Variants in CCBE1 observed in about 807,000 individuals in gnomAD.
CCBE1 encodes the protein collagen and calcium binding EGF domains 1.
In CCBE1, 37 loss-of-function variants were observed where a neutral mutation model predicts 50.0. The observed-to-expected ratio is 0.74, with a 90% CI of 0.57 to 0.97. The LOEUF is 0.97. Ranked by LOEUF, CCBE1 falls within the 50% of genes least tolerant of loss-of-function variation. CCBE1 has a pLI of 0.00. For synonymous variants in CCBE1, 234 were observed against 203.7 expected, an observed-to-expected ratio of 1.15 and a Z score of -1.27; for missense variants, 538 against 523.8, an observed-to-expected ratio of 1.03 and a Z score of -0.26.
chr18:59,601,269 T>C lies in CCBE1; in HGVS notation c.212+95360A>G, dbSNP rs182049200. On this transcript the variant is annotated intron_variant, in intron 2 of 10. Transcript: ENST00000439986. Reference sequence around the variant, plus strand: ...TCCACACTCAAATCTCATCTTGAATTGTAGCTCCCATAATCCCCACGTGTC... The same window carrying C: ...TCCACACTCAAATCTCATCTTGAATCGTAGCTCCCATAATCCCCACGTGTC... Among the ~76,000 whole-genome samples, 1,031 of 151,990 alleles carry C rather than the reference T, an allele frequency of 6.8e-3. 10 individuals carry two copies. The highest frequency in any genetic ancestry group is 0.023 in the African/African-American group (953 of 41,434).
In CCBE1 at chr18:59,433,942, C is replaced by G. The variant is rs998295054; in HGVS notation, c.*1966G>C. On this transcript the variant is annotated 3_prime_UTR_variant, in exon 11 of 11. Transcript: ENST00000439986. ...AATGAGACAGAGTCTCCCTCTGTTG[C>G]CTAGGCTGGAGTGCAGTAGCGCAAT... 6 of 124,556 alleles carry G rather than the reference C, an allele frequency of 4.8e-5. No homozygotes were observed. Among genetic ancestry groups the G allele is most frequent in the African/African-American group, 1.9e-4 (6 of 32,124 alleles). 7.7% of individuals were successfully genotyped at this position (124,556 alleles called of 1,614,324 possible).
Position 59,462,823 on chromosome 18 carries a change from C to T in CCBE1, c.553+3916G>A, listed in dbSNP as rs535604735. Among the ~76,000 whole-genome samples, 161 of 152,300 alleles carry T rather than the reference C, an allele frequency of 1.1e-3. 1 individual carries two copies. The highest frequency in any genetic ancestry group is 2.0e-3 in the Non-Finnish European group (138 of 68,024). On this transcript the variant is annotated intron_variant, in intron 5 of 10. Coordinates refer to ENST00000439986, the MANE Select transcript of CCBE1 (RefSeq NM_133459.4). Reference sequence around the variant, plus strand: ...TTAAGAAAGATATGCTTATTGACAGCTCACAGGAACCCACAGGTCTGCAGA... The same window carrying T: ...TTAAGAAAGATATGCTTATTGACAGTTCACAGGAACCCACAGGTCTGCAGA...
chr18:59,598,627 C>A (rs1030590047), intron 2 of CCBE1, among the ~76,000 whole-genome samples: 7 of 152,202 alleles, frequency 4.6e-5, no homozygotes, highest in African/African-American at 1.7e-4. Flanking sequence ...AGAGTCACTG[C>A]TTCCACCATT....
At chr18:59,678,568 T>C (rs1358528486) in intron 2 of CCBE1, among the ~76,000 whole-genome samples, 1 of 152,210 alleles carries the variant, frequency 6.6e-6, no homozygotes, top group African/African-American at 2.4e-5. Flanking sequence ...AGTCTCACTC[T>C]GTTGCCCAGG....
At chr18:59,542,427 G>C (rs1292557070) in intron 2 of CCBE1, among the ~76,000 whole-genome samples, 2 of 152,058 alleles carry the variant, frequency 1.3e-5, no homozygotes, top group Non-Finnish European at 2.9e-5. Context: ...CAAAGCTAAA[G>C]CATCAAGGAT....
At position 59,531,682 on chromosome 18, in the gene CCBE1, T is replaced by G. The variant is rs374445152; in HGVS notation, c.213-51444A>C. On this transcript the variant is annotated intron_variant, in intron 2 of 10. Transcript: ENST00000439986. ...TCACTTGAGCCCAGGAAGTTGAGGC[T>G]GCAGTGAGCTGTGGTCCTGCCACTG... 2.6e-5 allele frequency among the ~76,000 whole-genome samples: 4 copies of G among 152,284 alleles called. No individual in the cohort carries two copies. In the South Asian group the frequency reaches 8.3e-4, roughly 32 times the overall value.
chr18:59,524,313 C>T (rs1210785251), intron 2 of CCBE1, among the ~76,000 whole-genome samples: 1 of 152,132 alleles, frequency 6.6e-6, no homozygotes, highest in South Asian at 2.1e-4. Context: ...GAGCAAGATC[C>T]TGTCTCAAAA....
At chr18:59,454,055 C>CAT (rs1463705786) in intron 6 of CCBE1, among the ~76,000 whole-genome samples, 1 of 152,102 alleles carries the variant, frequency 6.6e-6, no homozygotes, top group Non-Finnish European at 1.5e-5. Context: ...TCAGAAAGGG[C>CAT]ATAGACTATA....
chr18:59,586,142 T>G (rs546603925), intron 2 of CCBE1, among the ~76,000 whole-genome samples: 1 of 152,342 alleles, frequency 6.6e-6, no homozygotes, highest in African/African-American at 2.4e-5. Flanking sequence ...CAGCCTAACT[T>G]TAATGCTCCA....
At chr18:59,452,606 A>G (rs1910993019) in intron 6 of CCBE1, among the ~76,000 whole-genome samples, 1 of 152,196 alleles carries the variant, frequency 6.6e-6, no homozygotes, top group South Asian at 2.1e-4. Flanking sequence ...ACAAAACAAA[A>G]ACAACAAAAC....
intron 2 of CCBE1, among the ~76,000 whole-genome samples, chr18:59,485,584 ATATTTATTTATT>A (rs60888501): frequency 9.9e-5 from 14 of 140,854 alleles, no homozygotes; most frequent in East Asian, 8.2e-4. Flanking sequence ...GATATATCAG[ATATTTATTTATT>A]TATTTATTTA....
intron 2 of CCBE1, among the ~76,000 whole-genome samples, chr18:59,642,551 CAT>C (rs1280220503): frequency 1.3e-5 from 2 of 152,214 alleles, no homozygotes; most frequent in African/African-American, 4.8e-5. Flanking sequence ...AAATGCAAAA[CAT>C]ATGTCTAAGA....
At position 59,579,664 on chromosome 18, in the gene CCBE1, G is replaced by A. The variant is rs573597421; in HGVS notation, c.213-99426C>T. On this transcript the variant is annotated intron_variant, in intron 2 of 10. Coordinates refer to ENST00000439986, the MANE Select transcript of CCBE1 (RefSeq NM_133459.4). The stretch of plus-strand genomic sequence containing the variant: ...CGGCGGTTCCTACATGCTCTATGGT[G>A]GCAGCCACCTGCCTGGAGCATGCCA... 2.6e-5 allele frequency among the ~76,000 whole-genome samples: 4 copies of A among 152,292 alleles called. No individual in the cohort carries two copies. In the East Asian group the frequency reaches 7.7e-4, roughly 29 times the overall value.
At chr18:59,546,890 T>G (rs1598999834) in intron 2 of CCBE1, among the ~76,000 whole-genome samples, 1 of 152,196 alleles carries the variant, frequency 6.6e-6, no homozygotes, top group East Asian at 1.9e-4. Flanking sequence ...TTGGCCATTC[T>G]TTTTCTGTTT....
At chr18:59,550,997 T>TAAAAAAAAAAAAAAAA (rs1915893004) in intron 2 of CCBE1, among the ~76,000 whole-genome samples, 1 of 15,282 alleles carries the variant, frequency 6.5e-5, no homozygotes, top group Non-Finnish European at 1.1e-4. Flanking sequence ...ACAGCGAGAC[T>TAAAAAAAAAAAAAAAA]CAAAAAAAAA....
chr18:59,527,395 A>G (rs1041810019), intron 2 of CCBE1, among the ~76,000 whole-genome samples: 1 of 152,150 alleles, frequency 6.6e-6, no homozygotes, highest in East Asian at 1.9e-4. Context: ...GTGTCTTTGC[A>G]CAGGAGATGG....
At chr18:59,610,584 T>C (rs920182567) in intron 2 of CCBE1, among the ~76,000 whole-genome samples, 2 of 152,214 alleles carry the variant, frequency 1.3e-5, no homozygotes, top group Admixed American at 1.3e-4. Context: ...TTAAACAGAT[T>C]GTCTGAGTGC....
intron 2 of CCBE1, among the ~76,000 whole-genome samples, chr18:59,562,562 C>T (rs893498739): frequency 2.1e-4 from 32 of 152,228 alleles, no homozygotes; most frequent in African/African-American, 7.0e-4. Flanking sequence ...AATAATAAAC[C>T]TGCTTTCTAC....
intron 2 of CCBE1, among the ~76,000 whole-genome samples, chr18:59,594,292 A>T (rs1461122043): frequency 6.6e-6 from 1 of 152,274 alleles, no homozygotes; most frequent in African/African-American, 2.4e-5. Flanking sequence ...GTTAAAAAGC[A>T]TGTAGAGATC....
Sources: allele counts gnomAD v4.1 joint callset (sites outside exome capture counted in the v4.1 genomes callset), GRCh38; gene constraint gnomAD v4.1.1; transcripts MANE v1.5; gene names NCBI Gene and HGNC (gene_info 2026-07-23, HGNC 2026-07-21).